SLCO6A1: variants seen among roughly 807,000 people sequenced by gnomAD.
SLCO6A1 encodes solute carrier organic anion transporter family member 6A1.
A neutral mutation model predicts 72.7 loss-of-function variants in SLCO6A1; 65 were observed. The observed-to-expected ratio is 0.89, with a 90% CI of 0.73 to 1.10. SLCO6A1 has a LOEUF of 1.10. Ranked by LOEUF, SLCO6A1 falls within the 50% of genes least tolerant of loss-of-function variation. The pLI is 0.00. For missense variants in SLCO6A1, 874 were observed against 872.6 expected, an observed-to-expected ratio of 1.00 and a Z score of -0.02; for synonymous variants, 314 against 298.2, an observed-to-expected ratio of 1.05 and a Z score of -0.55.
chr5:102,380,120 A>AC (rs1746028782), intron 12 of SLCO6A1, among the ~76,000 whole-genome samples: 1 of 151,986 alleles, frequency 6.6e-6, no homozygotes, highest in South Asian at 2.1e-4. Context: ...GTTCCCTGAT[A>AC]TGGGTGCTAA....
intron 1 of SLCO6A1, among the ~76,000 whole-genome samples, chr5:102,494,084 A>G (rs1171128702): frequency 6.6e-6 from 1 of 152,162 alleles, no homozygotes; most frequent in Non-Finnish European, 1.5e-5. Context: ...ATAAGTATAG[A>G]TGTATTAGGA....
At chr5:102,417,189 T>C (rs567210894) in intron 8 of SLCO6A1, among the ~76,000 whole-genome samples, 42 of 152,290 alleles carry the variant, frequency 2.8e-4, no homozygotes, top group Non-Finnish European at 2.2e-4. Context: ...GTTAATAAGA[T>C]ACATCTTTTC....
intron 6 of SLCO6A1, among the ~76,000 whole-genome samples, chr5:102,455,223 G>A (rs1750645256): frequency 6.6e-6 from 1 of 151,784 alleles, no homozygotes. Flanking sequence ...AAGACCAAGT[G>A]GCTGGAATGT....
At chr5:102,398,186 T>G (rs1467482088) in intron 10 of SLCO6A1, among the ~76,000 whole-genome samples, 3 of 152,126 alleles carry the variant, frequency 2.0e-5, no homozygotes, top group Non-Finnish European at 2.9e-5. Flanking sequence ...TCTTACCCTC[T>G]TATTTATTTT....
chr5:102,390,886 TAC>T, intron 11 of SLCO6A1, 93 bp downstream of exon 11: 1 of 1,052,742 alleles, frequency 9.5e-7, no homozygotes, highest in South Asian at 1.5e-5. Context: ...TTGTGTCATT[TAC>T]TATTATTTAT....
chr5:102,476,173 C>T (rs1335392176), intron 3 of SLCO6A1, among the ~76,000 whole-genome samples: 2 of 151,904 alleles, frequency 1.3e-5, no homozygotes, highest in South Asian at 2.1e-4. Context: ...ATCTATGTAA[C>T]CAAATACCAC....
rs989866645 is a variant in SLCO6A1, at chr5:102,435,424, G to A, written c.1276+3193C>T. ...GAAGTGATAATGGAACACATGAATTGTTACCCAACGTGCCTCCCTGTTTCC... is the reference window on the plus strand; with the variant it reads ...GAAGTGATAATGGAACACATGAATTATTACCCAACGTGCCTCCCTGTTTCC... On this transcript the variant is annotated intron_variant, in intron 7 of 13. Transcript: ENST00000506729. Among the ~76,000 whole-genome samples the A allele has an allele frequency of 2.0e-5, 3 of 151,410 alleles. No homozygotes were observed. In the South Asian group the frequency reaches 6.2e-4, roughly 31 times the overall value.
rs570818089 is a variant in SLCO6A1 at position 102,373,155 on chromosome 5, G to A, written c.*15+182C>T. Among the ~76,000 whole-genome samples, 296 of 151,738 alleles carry A rather than the reference G, an allele frequency of 2.0e-3. 3 individuals carry two copies. The highest frequency in any genetic ancestry group is 6.9e-3 in the African/African-American group (285 of 41,446). On this transcript the variant is annotated intron_variant, in intron 13 of 13. Transcript: ENST00000506729. ...TTATCTTTCATTGAAAGTATTAAAT[G>A]TGTATTTTATATTTTTAAAAATTTT...
At chr5:102,380,075 T>C (rs560543635) in intron 12 of SLCO6A1, among the ~76,000 whole-genome samples, 1 of 152,160 alleles carries the variant, frequency 6.6e-6, no homozygotes, top group South Asian at 2.1e-4. Context: ...ATTTAGCAAC[T>C]TTGCTGAATT....
Position 102,391,027 on chromosome 5 carries a change from C to A in SLCO6A1, c.1833G>T (p.Leu611=). 3 of 1,613,488 alleles carry A rather than the reference C, an allele frequency of 1.9e-6. No individual in the cohort carries two copies. The highest frequency in any genetic ancestry group is 2.5e-6 in the Non-Finnish European group (3 of 1,179,574). The change falls in exon 11 of 14, where the codon CTG becomes CTT. Residue 611 remains leucine (L), a synonymous_variant. Transcript: ENST00000506729. ...AGCTTACACCCAAGGCCAGAGAACG[C>A]AGTTTGTCAGGTACAACCCTGAAAG... ...LAMTRVVPDK[L]RSLALGVSYV... is the part of the protein sequence containing the mutation.
chr5:102,476,549 T>C (rs1211858561), intron 3 of SLCO6A1, among the ~76,000 whole-genome samples: 2 of 151,876 alleles, frequency 1.3e-5, no homozygotes, highest in Non-Finnish European at 2.9e-5. Flanking sequence ...ACATCTGGAG[T>C]AGTGTTTGTC....
intron 7 of SLCO6A1, among the ~76,000 whole-genome samples, chr5:102,422,679 G>A (rs1370647481): frequency 6.6e-6 from 1 of 152,106 alleles, no homozygotes; most frequent in Non-Finnish European, 1.5e-5. Flanking sequence ...GGGGAGAATG[G>A]ACCCAGGTTG....
intron 7 of SLCO6A1, among the ~76,000 whole-genome samples, chr5:102,434,047 AT>A (rs1299470253): frequency 1.3e-5 from 2 of 151,778 alleles, no homozygotes; most frequent in African/African-American, 4.8e-5. Flanking sequence ...ATATATTGAA[AT>A]TTTTTTCCCA....
chr5:102,396,629 G>C (rs577953570), intron 10 of SLCO6A1, among the ~76,000 whole-genome samples: 30 of 152,230 alleles, frequency 2.0e-4, no homozygotes, highest in African/African-American at 7.2e-4. Flanking sequence ...GTTCAAGTCA[G>C]ACTGCTTTTG....
chr5:102,391,057 T>C lies in SLCO6A1; in HGVS notation c.1815-12A>G, dbSNP rs1453739285. On this transcript the variant is annotated splice_polypyrimidine_tract_variant and intron_variant, in intron 10 of 13. Transcript: ENST00000506729. ...TGTCAGGTACAACCCTGAAAGTAAA[T>C]AGCAATGATATAATCAGCACATCAT... The C allele has an allele frequency of 3.7e-6, 6 of 1,609,016 alleles. No homozygotes were observed. Among genetic ancestry groups the C allele is most frequent in the Non-Finnish European group, 5.1e-6 (6 of 1,175,520 alleles).
intron 7 of SLCO6A1, among the ~76,000 whole-genome samples, chr5:102,425,071 C>A (rs759074952): frequency 6.6e-6 from 1 of 152,102 alleles, no homozygotes; most frequent in Non-Finnish European, 1.5e-5. Flanking sequence ...ATTTAACACC[C>A]CTTCATGCTA....
At chr5:102,468,928 G>A (rs978913404) in intron 4 of SLCO6A1, among the ~76,000 whole-genome samples, 23 of 151,874 alleles carry the variant, frequency 1.5e-4, no homozygotes, top group African/African-American at 4.6e-4. Context: ...TCCTTTCCCC[G>A]TTGCTTGTTT....
intron 7 of SLCO6A1, among the ~76,000 whole-genome samples, chr5:102,428,687 G>T (rs1306844899): frequency 6.6e-6 from 1 of 151,490 alleles, no homozygotes; most frequent in Non-Finnish European, 1.5e-5. Flanking sequence ...AGTGTCTGTT[G>T]TTCTCTTTGC....
At chr5:102,459,874 G>A in intron 4 of SLCO6A1, 97 bp from the exon 5 acceptor site, 1 of 1,071,304 alleles carries the variant, frequency 9.3e-7, no homozygotes, top group Non-Finnish European at 1.3e-6. Flanking sequence ...AGTGAGAGAG[G>A]GAGGGTTGGA....
Sources: allele counts gnomAD v4.1 joint callset (sites outside exome capture counted in the v4.1 genomes callset), GRCh38; gene constraint gnomAD v4.1.1; transcripts MANE v1.5; gene names NCBI Gene and HGNC (gene_info 2026-07-23, HGNC 2026-07-21).